The following SYNPR variants were observed in gnomAD, a reference collection of about 807,000 sequenced individuals.
The protein encoded by SYNPR is synaptoporin.
SYNPR carries 23 observed loss-of-function variants against 32.9 expected under a neutral mutation model. That is an observed-to-expected ratio of 0.70 (90% CI 0.50 to 0.99). The LOEUF (loss-of-function observed/expected upper bound fraction) is 0.99, where lower values mean the gene tolerates loss of function less well. Among genes scored for constraint, SYNPR ranks in the 50% least tolerant of loss-of-function variants. The pLI, the probability that SYNPR is intolerant of heterozygous loss-of-function variation, is 0.00. For synonymous variants in SYNPR, 146 were observed against 135.9 expected, an observed-to-expected ratio of 1.07 and a Z score of -0.52; for missense variants, 318 against 349.3, an observed-to-expected ratio of 0.91 and a Z score of 0.71.
chr3:63,402,775 G>A (rs1174296892), intron 2 of SYNPR, among the ~76,000 whole-genome samples: 4 of 152,222 alleles, frequency 2.6e-5, no homozygotes, highest in Admixed American at 1.3e-4. Context: ...CTGGTACAGA[G>A]TGGCAGCTGG....
rs115368925 is a variant in SYNPR at position 63,453,001 on chromosome 3, G to A, written c.85-27831G>A. On this transcript the variant is annotated intron_variant, in intron 2 of 5. Transcript: ENST00000478300. Reference sequence around the variant, plus strand: ...GCATATTTCCATGTAACAGCTTCCTGTTCAAAGGGTGAGCTGAAGACCAGC... The same window carrying A: ...GCATATTTCCATGTAACAGCTTCCTATTCAAAGGGTGAGCTGAAGACCAGC... 6.0e-3 allele frequency among the ~76,000 whole-genome samples: 920 copies of A among 152,256 alleles called. 13 individuals are homozygous for A. Among genetic ancestry groups the A allele is most frequent in the African/African-American group, 0.02 (830 of 41,564 alleles).
intron 3 of SYNPR, among the ~76,000 whole-genome samples, chr3:63,510,555 C>A (rs184337015): frequency 1.1e-3 from 169 of 152,214 alleles, no homozygotes; most frequent in Non-Finnish European, 2.0e-3. Context: ...AATCATGCAA[C>A]CCACTGCAAT....
At chr3:63,224,231 T>G (rs561944010), upstream of SYNPR, among the ~76,000 whole-genome samples, 2 of 152,294 alleles carry the variant, frequency 1.3e-5, no homozygotes, top group African/African-American at 4.8e-5. Context: ...AGCATTAGAT[T>G]CTCATAGGAT....
At chr3:63,607,142 C>G (rs6806549) in intron 4 of SYNPR, among the ~76,000 whole-genome samples, 2 of 151,914 alleles carry the variant, frequency 1.3e-5, no homozygotes, top group Admixed American at 1.3e-4. Context: ...TAATGAAAAC[C>G]ATCATACTAT....
chr3:63,529,243 A>G (rs542783382), intron 3 of SYNPR, among the ~76,000 whole-genome samples: 2 of 152,250 alleles, frequency 1.3e-5, no homozygotes, highest in South Asian at 2.1e-4. Context: ...TAGCCTACAC[A>G]TATCCTCCCA....
At chr3:63,256,790 G>T (rs1021554656) in intron 2 of SYNPR, among the ~76,000 whole-genome samples, 3 of 152,040 alleles carry the variant, frequency 2.0e-5, no homozygotes, top group African/African-American at 7.3e-5. Flanking sequence ...GAAGAAGTTC[G>T]AACCCATGGC....
chr3:63,561,107 G>A (rs557601895), intron 4 of SYNPR, among the ~76,000 whole-genome samples: 2 of 152,216 alleles, frequency 1.3e-5, no homozygotes, highest in African/African-American at 4.8e-5. Flanking sequence ...TAAGAAATCC[G>A]ATACCCTTCC....
chr3:63,440,998 T>C (rs1475399885), intron 2 of SYNPR, among the ~76,000 whole-genome samples: 2 of 152,170 alleles, frequency 1.3e-5, no homozygotes, highest in Non-Finnish European at 2.9e-5. Flanking sequence ...TCATACCCTG[T>C]ACACTGAATA....
chr3:63,207,205 T>G, the SYNPR span, among the ~76,000 whole-genome samples: 32 of 152,348 alleles, frequency 2.1e-4, no homozygotes, highest in East Asian at 4.2e-3. Context: ...GGCTGGAGGA[T>G]CAACAAATTT....
At chr3:63,280,492 G>A (rs1000437457) in intron 2 of SYNPR, among the ~76,000 whole-genome samples, 20 of 150,908 alleles carry the variant, frequency 1.3e-4, no homozygotes, top group African/African-American at 4.6e-4. Context: ...CACACTGTAT[G>A]GAATGTCCTC....
intron 4 of SYNPR, among the ~76,000 whole-genome samples, chr3:63,602,951 C>T (rs1700066513): frequency 6.6e-6 from 1 of 152,170 alleles, no homozygotes; most frequent in Admixed American, 6.5e-5. Context: ...GCTATTTTAA[C>T]AATATGGATT....
chr3:63,484,576 T>C (rs550637938), intron 3 of SYNPR, among the ~76,000 whole-genome samples: 2 of 152,194 alleles, frequency 1.3e-5, no homozygotes, highest in South Asian at 2.1e-4. Flanking sequence ...GTCAGAATGA[T>C]GAATGAATGA....
chr3:63,360,168 T>C (rs2087637115), intron 2 of SYNPR, among the ~76,000 whole-genome samples: 1 of 152,268 alleles, frequency 6.6e-6, no homozygotes, highest in South Asian at 2.1e-4. Context: ...GCCTCTATTC[T>C]TGTAAACATA....
chr3:63,389,305 A>T (rs529903723), intron 2 of SYNPR, among the ~76,000 whole-genome samples: 1 of 152,324 alleles, frequency 6.6e-6, no homozygotes, highest in East Asian at 1.9e-4. Flanking sequence ...CTTAAGTGCA[A>T]AAAAGTGGGG....
intron 2 of SYNPR, among the ~76,000 whole-genome samples, chr3:63,417,429 C>A (rs1469221928): frequency 6.6e-6 from 1 of 152,170 alleles, no homozygotes; most frequent in African/African-American, 2.4e-5. Flanking sequence ...TCCAGGCATG[C>A]AGTACAAGCT....
At chr3:63,270,055 G>A (rs945158183) in intron 3 of SYNPR, among the ~76,000 whole-genome samples, 1 of 152,262 alleles carries the variant, frequency 6.6e-6, no homozygotes, top group Middle Eastern at 3.4e-3. Flanking sequence ...GATACAAAGA[G>A]CATAGGATAA....
chr3:63,543,090 C>T (rs980069364), intron 3 of SYNPR, among the ~76,000 whole-genome samples: 1 of 152,094 alleles, frequency 6.6e-6, no homozygotes, highest in Non-Finnish European at 1.5e-5. Context: ...TATGCAAATG[C>T]ACATTCCATG....
At chr3:63,433,489 G>A (rs1700027021) in intron 2 of SYNPR, among the ~76,000 whole-genome samples, 1 of 152,142 alleles carries the variant, frequency 6.6e-6, no homozygotes, top group Non-Finnish European at 1.5e-5. Flanking sequence ...GTTCTAAACA[G>A]GCCTGCAGTA....
At chr3:63,600,340 G>T (rs1040547322) in intron 4 of SYNPR, among the ~76,000 whole-genome samples, 2 of 152,192 alleles carry the variant, frequency 1.3e-5, no homozygotes, top group Non-Finnish European at 2.9e-5. Context: ...GGAGGGGACA[G>T]GCATGGGTCA....
Sources: gnomAD v4.1 joint callset for allele counts (sites outside exome capture counted in the v4.1 genomes callset) on GRCh38, gnomAD v4.1.1 for gene constraint, MANE v1.5 for transcripts, NCBI Gene and HGNC (gene_info 2026-07-23, HGNC 2026-07-21) for gene names.